Variants in ZNF804B observed in about 807,000 individuals in gnomAD.
ZNF804B encodes zinc finger 804B.
In ZNF804B, 80 loss-of-function variants were observed where a neutral mutation model predicts 101.4. The observed-to-expected ratio is 0.79, with a 90% CI of 0.66 to 0.95. ZNF804B has a LOEUF of 0.95. Among genes scored for constraint, ZNF804B ranks in the 40% least tolerant of loss-of-function variants. The pLI is 0.00. For synonymous variants in ZNF804B, 622 were observed against 558.8 expected (o/e 1.11, Z -1.59); for missense variants, 1,673 against 1,561.9 (o/e 1.07, Z -1.20).
intron 1 of ZNF804B, among the ~76,000 whole-genome samples, chr7:89,079,520 C>G (rs1789663918): frequency 6.6e-6 from 1 of 152,062 alleles, no homozygotes; most frequent in South Asian, 2.1e-4. Flanking sequence ...CTGTTAAACA[C>G]TTACTCTCTG....
chr7:89,279,409 AGG>A (rs1483367882), intron 2 of ZNF804B, among the ~76,000 whole-genome samples: 32 of 150,692 alleles, frequency 2.1e-4, no homozygotes, highest in African/African-American at 7.8e-4. Flanking sequence ...GTGGTGAGAG[AGG>A]GCATCCCTGT....
chr7:89,195,872 G>T (rs1419804761), intron 1 of ZNF804B, among the ~76,000 whole-genome samples: 1 of 109,238 alleles, frequency 9.2e-6, no homozygotes, highest in African/African-American at 4.1e-5. Context: ...TCTTGAAAGA[G>T]AACTATAAAC....
intron 1 of ZNF804B, among the ~76,000 whole-genome samples, chr7:88,991,373 G>A (rs900805128): frequency 2.0e-5 from 3 of 152,132 alleles, no homozygotes; most frequent in Non-Finnish European, 4.4e-5. Context: ...CACAACCACT[G>A]CTGCTGACTT....
chr7:88,871,762 G>A (rs1038835759), intron 1 of ZNF804B, among the ~76,000 whole-genome samples: 10 of 152,026 alleles, frequency 6.6e-5, no homozygotes, highest in South Asian at 6.2e-4. Context: ...TCAGGAGTTC[G>A]AGACCAGCCT....
intron 1 of ZNF804B, among the ~76,000 whole-genome samples, chr7:88,875,360 T>C (rs553536166): frequency 5.3e-5 from 8 of 152,146 alleles, no homozygotes; most frequent in Admixed American, 3.3e-4. Flanking sequence ...AAAAAATTCA[T>C]GAATCCAGGA....
intron 1 of ZNF804B, among the ~76,000 whole-genome samples, chr7:89,040,023 T>A (rs1788992089): frequency 6.6e-6 from 1 of 152,060 alleles, no homozygotes; most frequent in Non-Finnish European, 1.5e-5. Context: ...CATTTTCCTC[T>A]CCAGATCTGG....
chr7:89,111,344 C>T (rs993987819), intron 1 of ZNF804B, among the ~76,000 whole-genome samples: 2 of 152,130 alleles, frequency 1.3e-5, no homozygotes, highest in African/African-American at 4.8e-5. Flanking sequence ...ATTTGCATTC[C>T]CTTCAGCAAT....
intron 1 of ZNF804B, among the ~76,000 whole-genome samples, chr7:88,796,761 G>A (rs1447056780): frequency 6.6e-6 from 1 of 152,070 alleles, no homozygotes; most frequent in Non-Finnish European, 1.5e-5. Context: ...TGTCTCTTTT[G>A]TGAGGGCAGG....
At chr7:88,977,535 G>A (rs1288064905) in intron 1 of ZNF804B, among the ~76,000 whole-genome samples, 1 of 151,548 alleles carries the variant, frequency 6.6e-6, no homozygotes, top group Non-Finnish European at 1.5e-5. Context: ...TTAGCATAGA[G>A]TAGCTCATGG....
chr7:89,017,760 G>T (rs1788593060), intron 1 of ZNF804B, among the ~76,000 whole-genome samples: 1 of 151,910 alleles, frequency 6.6e-6, no homozygotes. Context: ...TTGTTCCTAG[G>T]TAATTTTTGT....
intron 1 of ZNF804B, among the ~76,000 whole-genome samples, chr7:89,098,336 A>G (rs975230279): frequency 1.9e-4 from 28 of 149,710 alleles, no homozygotes; most frequent in Admixed American, 4.0e-4. Context: ...CAGTGGTATG[A>G]TCTTGACTCA....
intron 1 of ZNF804B, among the ~76,000 whole-genome samples, chr7:89,078,294 G>T (rs752208646): frequency 5.3e-5 from 8 of 152,080 alleles, no homozygotes; most frequent in Middle Eastern, 3.4e-3. Context: ...TTTTGTGCTA[G>T]GAAAAACAAA....
At chr7:88,849,968 C>T (rs1248349336) in intron 1 of ZNF804B, among the ~76,000 whole-genome samples, 1 of 151,728 alleles carries the variant, frequency 6.6e-6, no homozygotes, top group African/African-American at 2.4e-5. Flanking sequence ...AAAAATGTAC[C>T]AGCAAAATAC....
At chr7:89,309,016 G>T (rs1054089390) in intron 2 of ZNF804B, among the ~76,000 whole-genome samples, 6 of 152,068 alleles carry the variant, frequency 3.9e-5, no homozygotes, top group Non-Finnish European at 8.8e-5. Flanking sequence ...GAATCAGGGG[G>T]TACATGTGCA....
Position 88,760,022 on chromosome 7 carries a change from C to G in ZNF804B, c.46C>G (p.His16Asp). The change falls in exon 1 of 4, where the codon CAC (histidine) becomes GAC (aspartate). Residue 16 changes from histidine to aspartate, a missense_variant. By Grantham distance (81) the His-to-Asp change is moderately conservative (BLOSUM62 -1). Coordinates refer to ENST00000333190, the MANE Select transcript of ZNF804B (RefSeq NM_181646.5). The stretch of plus-strand genomic sequence containing the variant: ...CAGTTCGAGACATCTCAGCAATGGG[C>G]ACTACCGGGGCATTAAAGGAGTCTT... The part of the protein sequence containing the change: ...VISSRHLSNG[H>D]YRGIKGVFRG... 5.0e-6 allele frequency: 8 copies of G among 1,614,236 alleles called. No homozygotes were observed. The highest frequency in any genetic ancestry group is 1.3e-5 in the African/African-American group (1 of 75,074).
chr7:89,192,700 A>G (rs548985258), intron 1 of ZNF804B, among the ~76,000 whole-genome samples: 1 of 152,156 alleles, frequency 6.6e-6, no homozygotes, highest in African/African-American at 2.4e-5. Context: ...ACACAACAAA[A>G]AAAGAAAACT....
At chr7:88,854,533 T>TCCCTTCCCTTC (rs1554340260) in intron 1 of ZNF804B, among the ~76,000 whole-genome samples, 33 of 78,188 alleles carry the variant, frequency 4.2e-4, no homozygotes, top group African/African-American at 1.6e-3. Flanking sequence ...TTCCTTTCCT[T>TCCCTTCCCTTC]CCTTCCTTCC....
chr7:89,137,987 C>T (rs1358256814), intron 1 of ZNF804B, among the ~76,000 whole-genome samples: 1 of 152,134 alleles, frequency 6.6e-6, no homozygotes, highest in Non-Finnish European at 1.5e-5. Flanking sequence ...CAGCTCAGGC[C>T]ATGGCTTCAG....
intron 1 of ZNF804B, among the ~76,000 whole-genome samples, chr7:88,996,538 A>G (rs1206988203): frequency 6.6e-6 from 1 of 152,040 alleles, no homozygotes; most frequent in African/African-American, 2.4e-5. Flanking sequence ...TGTCTTTACC[A>G]TGTGTACTTG....
Sources: gnomAD v4.1 joint callset for allele counts (sites outside exome capture counted in the v4.1 genomes callset) on GRCh38, gnomAD v4.1.1 for gene constraint, MANE v1.5 for transcripts, NCBI Gene and HGNC (gene_info 2026-07-23, HGNC 2026-07-21) for gene names.